Variants in ERC2 observed in about 807,000 individuals in gnomAD.
ERC2 encodes ERC protein 2.
In ERC2, 42 loss-of-function variants were observed where a neutral mutation model predicts 114.8. That is an observed-to-expected ratio of 0.37 (90% confidence interval 0.29 to 0.47). ERC2 has a LOEUF of 0.47. Ranked by LOEUF, ERC2 falls within the 20% of genes least tolerant of loss-of-function variation. The pLI, the probability that ERC2 is intolerant of heterozygous loss-of-function variation, is 0.99. For missense variants in ERC2, 939 were observed against 1,150.7 expected, an observed-to-expected ratio of 0.82 and a Z score of 2.66; for synonymous variants, 454 against 425.5, an observed-to-expected ratio of 1.07 and a Z score of -0.82.
intron 17 of ERC2, among the ~76,000 whole-genome samples, 172 bp from the exon 18 acceptor site, chr3:55,511,448 G>A (rs115130123): frequency 5.2e-4 from 79 of 152,270 alleles, no homozygotes; most frequent in African/African-American, 1.8e-3. Context: ...CACAGAGGAA[G>A]GACAAAGGAA....
intron 3 of ERC2, among the ~76,000 whole-genome samples, chr3:56,239,185 G>A (rs560364748): frequency 4.6e-5 from 7 of 152,202 alleles, no homozygotes; most frequent in Admixed American, 3.9e-4. Flanking sequence ...ATTATGAAGA[G>A]ATTACCCTAA....
At chr3:56,065,961 G>A (rs577421410) in intron 7 of ERC2, among the ~76,000 whole-genome samples, 1 of 152,220 alleles carries the variant, frequency 6.6e-6, no homozygotes, top group East Asian at 1.9e-4. Context: ...ACAGGCATTT[G>A]GGTTGATTCC....
At chr3:55,808,900 T>C (rs2059607733) in intron 14 of ERC2, among the ~76,000 whole-genome samples, 1 of 151,138 alleles carries the variant, frequency 6.6e-6, no homozygotes, top group Non-Finnish European at 1.5e-5. Context: ...CAAACTCTTA[T>C]AAAACTTGGA....
rs113388836 is a variant in ERC2, at chr3:56,148,098, G to T, written c.1305+879C>A. 3.2e-3 allele frequency among the ~76,000 whole-genome samples: 493 copies of T among 152,172 alleles called. 1 individual carries two copies. The highest frequency in any genetic ancestry group is 0.011 in the African/African-American group (476 of 41,526). On this transcript the variant is annotated intron_variant, in intron 5 of 17. Coordinates refer to ENST00000288221, the MANE Select transcript of ERC2 (RefSeq NM_015576.3). ...TCAATGGATACTTAATCAGACAAGG[G>T]ACTAAGGGCTTTAAATGAATAATCT...
At chr3:56,339,344 A>C (rs1023656861) in intron 2 of ERC2, among the ~76,000 whole-genome samples, 7 of 152,114 alleles carry the variant, frequency 4.6e-5, no homozygotes, top group African/African-American at 1.7e-4. Flanking sequence ...TCATCAGGGG[A>C]AAGAGAAGTG....
At chr3:55,806,045 A>G (rs979560882) in intron 14 of ERC2, among the ~76,000 whole-genome samples, 2 of 152,152 alleles carry the variant, frequency 1.3e-5, no homozygotes, top group Admixed American at 6.6e-5. Flanking sequence ...AAAAGCTTAA[A>G]GAAGATATGA....
intron 17 of ERC2, among the ~76,000 whole-genome samples, chr3:55,577,811 A>G (rs1002391974): frequency 6.6e-6 from 1 of 152,208 alleles, no homozygotes; most frequent in Non-Finnish European, 1.5e-5. Context: ...CTGCGAAAGA[A>G]GAAGGGCACC....
At chr3:56,105,522 C>T (rs1016622139) in intron 6 of ERC2, among the ~76,000 whole-genome samples, 2 of 151,986 alleles carry the variant, frequency 1.3e-5, no homozygotes. Context: ...TGCTACATTG[C>T]CCAGGCTGGT....
At chr3:55,821,855 G>A (rs954873206) in intron 14 of ERC2, among the ~76,000 whole-genome samples, 1 of 152,226 alleles carries the variant, frequency 6.6e-6, no homozygotes, top group African/African-American at 2.4e-5. Context: ...ATTACCATAG[G>A]CTGGGGCTCA....
chr3:55,522,101 A>G (rs528574), intron 17 of ERC2, among the ~76,000 whole-genome samples: 104,677 of 152,102 alleles, frequency 0.69, 37,308 homozygotes, highest in African/African-American at 0.88. Context: ...TTCATGAACT[A>G]TTTTTTAACT....
chr3:56,207,581 A>G (rs548831888), intron 3 of ERC2, among the ~76,000 whole-genome samples: 1 of 152,318 alleles, frequency 6.6e-6, no homozygotes, highest in African/African-American at 2.4e-5. Context: ...GCTTAAAGAT[A>G]ATTATCATTG....
At chr3:56,401,588 T>G (rs1159733383) in intron 2 of ERC2, among the ~76,000 whole-genome samples, 1 of 152,204 alleles carries the variant, frequency 6.6e-6, no homozygotes, top group African/African-American at 2.4e-5. Flanking sequence ...TATCATAAAT[T>G]TGCAGGTATA....
chr3:56,305,733 C>A (rs555628256), intron 2 of ERC2, among the ~76,000 whole-genome samples: 15 of 152,258 alleles, frequency 9.9e-5, no homozygotes, highest in Non-Finnish European at 1.5e-4. Flanking sequence ...ATTTGCCATA[C>A]CTGAAGCCGG....
intron 14 of ERC2, among the ~76,000 whole-genome samples, chr3:55,822,118 G>T (rs1429010161): frequency 2.6e-5 from 4 of 152,076 alleles, no homozygotes; most frequent in African/African-American, 7.2e-5. Flanking sequence ...AAGTAGCTGG[G>T]CATTTATTCT....
At chr3:56,041,659 G>C (rs2075199592) in intron 7 of ERC2, among the ~76,000 whole-genome samples, 1 of 151,524 alleles carries the variant, frequency 6.6e-6, no homozygotes, top group African/African-American at 2.4e-5. Flanking sequence ...ACCAATTCTT[G>C]CTGGCAATTC....
At chr3:55,980,329 TCAGA>T (rs1385593879) in intron 12 of ERC2, among the ~76,000 whole-genome samples, 3 of 152,122 alleles carry the variant, frequency 2.0e-5, no homozygotes, top group Non-Finnish European at 4.4e-5. Context: ...TGTATTTTCC[TCAGA>T]CAAACATACA....
intron 2 of ERC2, among the ~76,000 whole-genome samples, chr3:56,395,998 G>A (rs1210435108): frequency 2.0e-5 from 3 of 152,134 alleles, no homozygotes; most frequent in Non-Finnish European, 2.9e-5. Context: ...TTAAAGAAAT[G>A]CAAGTTAAAA....
chr3:55,527,629 A>G (rs62251466), intron 17 of ERC2, among the ~76,000 whole-genome samples: 4,663 of 152,274 alleles, frequency 0.031, 102 homozygotes, highest in Middle Eastern at 0.092. Context: ...CTTTTCAGTG[A>G]TAAGTAGCAG....
chr3:55,630,282 G>A (rs1052230444), intron 17 of ERC2, among the ~76,000 whole-genome samples: 4 of 152,142 alleles, frequency 2.6e-5, no homozygotes, highest in African/African-American at 9.7e-5. Flanking sequence ...TGATTCTCCT[G>A]CCTCCGCCGC....
Sources: allele counts gnomAD v4.1 joint callset (sites outside exome capture counted in the v4.1 genomes callset), GRCh38; gene constraint gnomAD v4.1.1; transcripts MANE v1.5; gene names NCBI Gene and HGNC (gene_info 2026-07-23, HGNC 2026-07-21).